The following PEX14 variants were observed in gnomAD, a reference collection of about 807,000 sequenced individuals.
PEX14 encodes peroxisomal biogenesis factor 14.
PEX14 carries 15 observed loss-of-function variants against 49.5 expected under a neutral mutation model. The observed-to-expected ratio is 0.30, with a 90% CI of 0.20 to 0.47. The LOEUF is 0.47. Among genes scored for constraint, PEX14 ranks in the 20% least tolerant of loss-of-function variants. The pLI, the probability that PEX14 is intolerant of heterozygous loss-of-function variation, is 1.00. For missense variants in PEX14, 398 were observed against 494.8 expected (o/e 0.80, Z 1.86); for synonymous variants, 210 against 212.7 (o/e 0.99, Z 0.11).
intron 1 of PEX14, among the ~76,000 whole-genome samples, chr1:10,492,829 G>A (rs781140565): frequency 6.6e-6 from 1 of 152,192 alleles, no homozygotes; most frequent in Non-Finnish European, 1.5e-5. Context: ...CTGCACACGT[G>A]GAGTTTATAA....
chr1:10,579,575 A>G (rs1570299578), intron 3 of PEX14, among the ~76,000 whole-genome samples: 1 of 152,102 alleles, frequency 6.6e-6, no homozygotes. Context: ...AAGAATGGCT[A>G]CTCCACAGAC....
chr1:10,498,721 G>A (rs1288636172), intron 2 of PEX14, among the ~76,000 whole-genome samples: 1 of 152,224 alleles, frequency 6.6e-6, no homozygotes, highest in Non-Finnish European at 1.5e-5. Flanking sequence ...TTGGTGAACA[G>A]ACCAGTCTTG....
chr1:10,548,014 G>T (rs1432236018), intron 3 of PEX14, among the ~76,000 whole-genome samples: 1 of 152,082 alleles, frequency 6.6e-6, no homozygotes, highest in Non-Finnish European at 1.5e-5. Context: ...TCAGGAGTTC[G>T]TGACCGGTCT....
chr1:10,506,513 G>A (rs1014770517), intron 2 of PEX14, among the ~76,000 whole-genome samples: 4 of 152,206 alleles, frequency 2.6e-5, no homozygotes, highest in Non-Finnish European at 5.9e-5. Flanking sequence ...GCGACCTCAG[G>A]TGATCCGCCC....
In PEX14 at chr1:10,539,268, T is replaced by C. The variant is rs1235463926; in HGVS notation, c.169+2971T>C. On this transcript the variant is annotated intron_variant, in intron 3 of 8. Coordinates refer to ENST00000356607, the MANE Select transcript of PEX14 (RefSeq NM_004565.3). This position sits in a 1 kb window ranked among gnomAD's most constrained non-coding sequence, Gnocchi z 4.6. ...GGTTTGCAAAGGTCTTTCCTGTTAC[T>C]TTTTTTTTGTTTTTTGTTTTGAGAT... Among the ~76,000 whole-genome samples the C allele has an allele frequency of 6.6e-6, 1 of 151,254 alleles. No individual in the cohort carries two copies. Among genetic ancestry groups the C allele is most frequent in the Non-Finnish European group, 1.5e-5 (1 of 67,750 alleles).
At chr1:10,612,427 A>G (rs1040984896) in intron 4 of PEX14, among the ~76,000 whole-genome samples, 1 of 152,132 alleles carries the variant, frequency 6.6e-6, no homozygotes, top group African/African-American at 2.4e-5. Context: ...GACACTGCTA[A>G]TGGCATTGTA....
At chr1:10,555,900 A>G (rs1452936148) in intron 3 of PEX14, among the ~76,000 whole-genome samples, 2 of 152,118 alleles carry the variant, frequency 1.3e-5, no homozygotes, top group African/African-American at 2.4e-5. Context: ...GAGAGACAGG[A>G]TGAGACATAC....
Position 10,529,660 on chromosome 1 carries a change from A to G in PEX14, c.85-6553A>G, listed in dbSNP as rs926636928. On this transcript the variant is annotated intron_variant, in intron 2 of 8. Transcript: ENST00000356607. The surrounding 1 kb of genome is among the most constrained non-coding windows in gnomAD (Gnocchi z 4.2). ...CACTTTTCATAAAGGCTTTTACTAC[A>G]TATATCAATGAGTTTTAAGAGAGAC... Among the ~76,000 whole-genome samples the G allele has an allele frequency of 6.6e-6, 1 of 152,240 alleles. No individual in the cohort carries two copies. The highest frequency in any genetic ancestry group is 1.5e-5 in the Non-Finnish European group (1 of 68,048).
Position 10,610,914 on chromosome 1 carries a change from GTTC to G in PEX14, c.299-7410_299-7408del, listed in dbSNP as rs562965822. On this transcript the variant is annotated intron_variant, in intron 4 of 8. Transcript: ENST00000356607. ...CTTTCTCCTCCTTCTTCCTCTTCCT[GTTC>G]TTCTTCTCCCTTTCCCATGACCACA... Among the ~76,000 whole-genome samples, 49 of 151,600 alleles carry G rather than the reference GTTC, an allele frequency of 3.2e-4. 1 individual carries two copies. The South Asian group carries it at 9.4e-3, about 29-fold the overall frequency.
chr1:10,594,142 A>G (rs1254065717), intron 3 of PEX14, among the ~76,000 whole-genome samples: 3 of 152,316 alleles, frequency 2.0e-5, no homozygotes, highest in South Asian at 2.1e-4. Flanking sequence ...GAGAGTCCTT[A>G]TTGTACTCTA....
In PEX14 at chr1:10,495,480, C is replaced by T. The variant is rs898757926; in HGVS notation, c.84+159C>T. Among the ~76,000 whole-genome samples the T allele has an allele frequency of 6.6e-6, 1 of 152,186 alleles. No individual in the cohort carries two copies. Among genetic ancestry groups the T allele is most frequent in the African/African-American group, 2.4e-5 (1 of 41,456 alleles). Reference sequence around the variant, plus strand: ...GTCAGTGACCTCTGACTTCTCTTCTCGCGTGTGGGGACGAGTGAGATCTCT... The same window carrying T: ...GTCAGTGACCTCTGACTTCTCTTCTTGCGTGTGGGGACGAGTGAGATCTCT... On this transcript the variant is annotated intron_variant, in intron 2 of 8. Coordinates refer to ENST00000356607, the MANE Select transcript of PEX14 (RefSeq NM_004565.3). The surrounding 1 kb of genome is among the most constrained non-coding windows in gnomAD (Gnocchi z 4.2).
Position 10,629,504 on chromosome 1 carries a change from A to C in PEX14, c.678-27A>C. On this transcript the variant is annotated intron_variant, in intron 8 of 8. Coordinates refer to ENST00000356607, the MANE Select transcript of PEX14 (RefSeq NM_004565.3). This position sits in a 1 kb window ranked among gnomAD's most constrained non-coding sequence, Gnocchi z 8.5. ...GGGGGGCGTCCTGAATGCCGCCACC[A>C]ACCTCCTCCCCTTCTTCTCCCTCTA... 1 of 1,549,574 alleles carries C rather than the reference A, an allele frequency of 6.5e-7. No homozygotes were observed. Among genetic ancestry groups the C allele is most frequent in the Non-Finnish European group, 8.9e-7 (1 of 1,123,760 alleles).
chr1:10,571,031 T>C (rs1639962297), intron 3 of PEX14, among the ~76,000 whole-genome samples: 1 of 146,656 alleles, frequency 6.8e-6, no homozygotes, highest in Admixed American at 6.8e-5. Flanking sequence ...TTTTTTTTTT[T>C]TTTTTTGTAG....
At chr1:10,599,510 T>G in intron 4 of PEX14, 144 bp downstream of exon 4, 1 of 912,658 alleles carries the variant, frequency 1.1e-6, no homozygotes, top group South Asian at 1.3e-5. Context: ...CCAAGGAATG[T>G]GACACACCCC....
At chr1:10,586,815 G>A (rs998750467) in intron 3 of PEX14, among the ~76,000 whole-genome samples, 1 of 151,320 alleles carries the variant, frequency 6.6e-6, no homozygotes, top group Admixed American at 6.6e-5. Context: ...AATTTTTTTT[G>A]TATTTTTAGT....
At chr1:10,572,800 T>C (rs967125315) in intron 3 of PEX14, among the ~76,000 whole-genome samples, 7 of 152,072 alleles carry the variant, frequency 4.6e-5, no homozygotes, top group Non-Finnish European at 8.8e-5. Flanking sequence ...CCTCCCAGAG[T>C]GCTGGGATTA....
intron 3 of PEX14, among the ~76,000 whole-genome samples, chr1:10,581,920 T>C (rs1640333175): frequency 6.6e-6 from 1 of 151,818 alleles, no homozygotes; most frequent in African/African-American, 2.4e-5. Context: ...AAGGAATTTC[T>C]CTTCATTTTA....
chr1:10,501,939 A>G (rs1246981841), intron 2 of PEX14, among the ~76,000 whole-genome samples: 1 of 151,974 alleles, frequency 6.6e-6, no homozygotes, highest in Non-Finnish European at 1.5e-5. Flanking sequence ...CAAACAGTAA[A>G]TCATCTACAA....
chr1:10,505,483 CT>C (rs1641766794), intron 2 of PEX14, among the ~76,000 whole-genome samples: 2 of 152,052 alleles, frequency 1.3e-5, no homozygotes, highest in Admixed American at 6.6e-5. Flanking sequence ...CTTTACCATA[CT>C]TTTCCTTTGC....
Sources: gnomAD v4.1 joint callset for allele counts (sites outside exome capture counted in the v4.1 genomes callset) on GRCh38, gnomAD v4.1.1 for gene constraint, Gnocchi (gnomAD v3.1) non-coding constraint, MANE v1.5 for transcripts, NCBI Gene and HGNC (gene_info 2026-07-23, HGNC 2026-07-21) for gene names.